ATP11A: variants seen among roughly 807,000 people sequenced by gnomAD.
ATP11A encodes ATPase phospholipid transporting 11A.
A neutral mutation model predicts 154.4 loss-of-function variants in ATP11A; 81 were observed. The observed-to-expected ratio is 0.52, with a 90% confidence interval of 0.44 to 0.63. The LOEUF (loss-of-function observed/expected upper bound fraction) is 0.63, where lower values mean the gene tolerates loss of function less well. Among genes scored for constraint, ATP11A ranks in the 30% least tolerant of loss-of-function variants. The pLI, the probability that ATP11A is intolerant of heterozygous loss-of-function variation, is 0.00. For synonymous variants in ATP11A, 623 were observed against 585.9 expected, an observed-to-expected ratio of 1.06 and a Z score of -0.91; for missense variants, 1,316 against 1,474.3, an observed-to-expected ratio of 0.89 and a Z score of 1.76.
At chr13:112,858,032 G>T in intron 21 of ATP11A, 112 bp downstream of exon 21, 3 of 1,567,640 alleles carry the variant, frequency 1.9e-6, no homozygotes, top group East Asian at 2.3e-5. Flanking sequence ...CACCACCCTC[G>T]TGTGTGACCG....
rs991795351 is a variant in ATP11A, at chr13:112,690,697, T to A, written c.39+242T>A. Among the ~76,000 whole-genome samples, 3 of 151,544 alleles carry A rather than the reference T, an allele frequency of 2.0e-5. No individual in the cohort carries two copies. Among genetic ancestry groups the A allele is most frequent in the Middle Eastern group, 3.3e-3 (1 of 306 alleles). ...GCCCCAGCCCCGGGCGGCCACCTGC[T>A]CCCTGGCCGCGGCCGCCTGGCGCCC... is the stretch of plus-strand genomic sequence containing the variant. On this transcript the variant is annotated intron_variant, in intron 1 of 29. Coordinates refer to ENST00000375645, the MANE Select transcript of ATP11A (RefSeq NM_015205.3). The surrounding 1 kb of genome is among the most constrained non-coding windows in gnomAD (Gnocchi z 5.6).
intron 4 of ATP11A, among the ~76,000 whole-genome samples, chr13:112,809,643 C>T (rs755953787): frequency 6.6e-5 from 10 of 152,156 alleles, no homozygotes; most frequent in Admixed American, 3.3e-4. Context: ...TTTCCAATTT[C>T]GACACTCATT....
chr13:112,810,340 A>G (rs2078454042), intron 4 of ATP11A, among the ~76,000 whole-genome samples: 1 of 152,242 alleles, frequency 6.6e-6, no homozygotes, highest in Non-Finnish European at 1.5e-5. Flanking sequence ...CAAAAAGTAC[A>G]GTTGTATAGT....
rs1188149132 is a variant in ATP11A at position 112,858,303 on chromosome 13, C to T, written c.2667+13C>T. 2 of 1,604,688 alleles carry T rather than the reference C, an allele frequency of 1.2e-6. No homozygotes were observed. Among genetic ancestry groups the T allele is most frequent in the Non-Finnish European group, 1.7e-6 (2 of 1,173,802 alleles). The stretch of plus-strand genomic sequence containing the variant: ...CTTCTTCTATAAGGTAGGAGGGTCG[C>T]CGCTCCCCCTCACGGTGTTAGCAAC... On this transcript the variant is annotated intron_variant, in intron 22 of 29. Coordinates refer to ENST00000375645, the MANE Select transcript of ATP11A (RefSeq NM_015205.3).
intron 1 of ATP11A, among the ~76,000 whole-genome samples, chr13:112,735,349 TA>T (rs1890891085): frequency 6.6e-6 from 1 of 152,248 alleles, no homozygotes; most frequent in South Asian, 2.1e-4. Context: ...AGCCCAGCGA[TA>T]TAGCCTTCCG....
intron 1 of ATP11A, among the ~76,000 whole-genome samples, chr13:112,699,430 T>C (rs1213677200): frequency 6.6e-6 from 1 of 152,226 alleles, no homozygotes; most frequent in African/African-American, 2.4e-5. Context: ...TAAGTCACTT[T>C]TTCCTGGGAG....
At chr13:112,803,756 C>CCCCTCCTT (rs1169021377) in intron 2 of ATP11A, among the ~76,000 whole-genome samples, 1 of 97,390 alleles carries the variant, frequency 1.0e-5, no homozygotes, top group Non-Finnish European at 2.0e-5. Context: ...TTCTCTCATT[C>CCCCTCCTT]CCCTCCTTCC....
chr13:112,764,167 G>A (rs981941667), intron 1 of ATP11A, among the ~76,000 whole-genome samples: 32 of 152,200 alleles, frequency 2.1e-4, no homozygotes, highest in African/African-American at 7.5e-4. Flanking sequence ...GTATCTGTGT[G>A]GGGTGATGGA....
At chr13:112,839,078 A>G (rs1184012715) in intron 16 of ATP11A, among the ~76,000 whole-genome samples, 1 of 152,126 alleles carries the variant, frequency 6.6e-6, no homozygotes, top group African/African-American at 2.4e-5. Context: ...TACCTCAGTC[A>G]TGTGTGCTTT....
chr13:112,741,876 T>C (rs969243357), intron 1 of ATP11A, among the ~76,000 whole-genome samples: 2 of 152,154 alleles, frequency 1.3e-5, no homozygotes, highest in Non-Finnish European at 2.9e-5. Flanking sequence ...GGTGTACTTC[T>C]CTTCCCCCAA....
chr13:112,829,394 G>T (rs970440826), intron 12 of ATP11A, among the ~76,000 whole-genome samples: 1 of 152,254 alleles, frequency 6.6e-6, no homozygotes, highest in African/African-American at 2.4e-5. Flanking sequence ...CCTGTGGGAT[G>T]CCAGGGTGGC....
intron 1 of ATP11A, among the ~76,000 whole-genome samples, chr13:112,749,539 A>G (rs1413301910): frequency 1.3e-5 from 2 of 152,256 alleles, no homozygotes; most frequent in Non-Finnish European, 1.5e-5. Context: ...AACTCAGAAA[A>G]GAAGAGAAGA....
At chr13:112,855,390 C>T (rs1325333929) in intron 19 of ATP11A, among the ~76,000 whole-genome samples, 1 of 152,180 alleles carries the variant, frequency 6.6e-6, no homozygotes, top group Admixed American at 6.5e-5. Context: ...GTTGGCCAGG[C>T]TGGTTTTGAA....
intron 1 of ATP11A, among the ~76,000 whole-genome samples, chr13:112,733,939 A>G (rs932431526): frequency 6.6e-6 from 1 of 152,074 alleles, no homozygotes; most frequent in Non-Finnish European, 1.5e-5. Flanking sequence ...TTTCTTTCCA[A>G]TCTTAAATTA....
chr13:112,693,199 G>C (rs907764339), intron 1 of ATP11A, among the ~76,000 whole-genome samples: 3 of 152,198 alleles, frequency 2.0e-5, no homozygotes, highest in Non-Finnish European at 4.4e-5. Context: ...TGGTGGTTTG[G>C]GTGTTTGGAT....
intron 12 of ATP11A, 54 bp from the exon 13 acceptor site, chr13:112,831,321 G>A: frequency 7.0e-6 from 11 of 1,582,122 alleles, no homozygotes; most frequent in Middle Eastern, 3.4e-4. Flanking sequence ...TGTCTGAGTC[G>A]GGGACGTGCG....
At chr13:112,871,847 C>T (rs764403682) in intron 26 of ATP11A, 47 bp downstream of exon 26, 42 of 1,565,982 alleles carry the variant, frequency 2.7e-5, no homozygotes, top group African/African-American at 6.8e-5. Flanking sequence ...CAGTGAACCC[C>T]TGCAGTGTAG....
chr13:112,880,561 A>G, intron 29 of ATP11A: 1 of 1,300,012 alleles, frequency 7.7e-7, no homozygotes, highest in Non-Finnish European at 1.0e-6. Flanking sequence ...TGTGAAGCAC[A>G]AGGCTCCAGT....
At chr13:112,806,880 C>T (rs888370908) in intron 4 of ATP11A, among the ~76,000 whole-genome samples, 5 of 152,192 alleles carry the variant, frequency 3.3e-5, no homozygotes, top group Non-Finnish European at 5.9e-5. Context: ...TTCGTACTCA[C>T]GGCTCATAGG....
Sources: gnomAD v4.1 joint callset for allele counts (sites outside exome capture counted in the v4.1 genomes callset) on GRCh38, gnomAD v4.1.1 for gene constraint, Gnocchi (gnomAD v3.1) non-coding constraint, MANE v1.5 for transcripts, NCBI Gene and HGNC (gene_info 2026-07-23, HGNC 2026-07-21) for gene names.